KCNMA1: variants seen among roughly 807,000 people sequenced by gnomAD.
The protein encoded by KCNMA1 is Calcium-activated potassium channel subunit alpha-1.
KCNMA1 carries 29 observed loss-of-function variants against 140.0 expected under a neutral mutation model. The observed-to-expected ratio is 0.21, with a 90% confidence interval of 0.15 to 0.28. The LOEUF (loss-of-function observed/expected upper bound fraction) is 0.28. Among genes scored for constraint, KCNMA1 ranks in the 10% least tolerant of loss-of-function variants. KCNMA1 has a pLI of 1.00. For missense variants in KCNMA1, 880 were observed against 1,602.2 expected (o/e 0.55, Z 7.70); for synonymous variants, 612 against 611.9 (o/e 1.00, Z 0.00).
At chr10:77,328,195 C>A (rs143564353) in intron 2 of KCNMA1, among the ~76,000 whole-genome samples, 1 of 152,174 alleles carries the variant, frequency 6.6e-6, no homozygotes, top group African/African-American at 2.4e-5. Context: ...CAGTACTTGG[C>A]GCACAGTAAG....
intron 16 of KCNMA1, 90 bp from the exon 17 acceptor site, chr10:77,019,189 T>C: frequency 2.6e-6 from 2 of 766,744 alleles, no homozygotes; most frequent in Non-Finnish European, 4.6e-6. Flanking sequence ...ACTGTTGTGT[T>C]TATAGGGGGC....
At chr10:77,287,933 A>G (rs2071623664) in intron 2 of KCNMA1, among the ~76,000 whole-genome samples, 1 of 152,236 alleles carries the variant, frequency 6.6e-6, no homozygotes, top group Non-Finnish European at 1.5e-5. Flanking sequence ...ATTTGATGGA[A>G]AGGGCAAACA....
chr10:77,563,926 C>CAGTCTGCAG (rs1331892197), intron 1 of KCNMA1, among the ~76,000 whole-genome samples: 1 of 152,218 alleles, frequency 6.6e-6, no homozygotes, highest in Non-Finnish European at 1.5e-5. Flanking sequence ...TGGGGCTTAT[C>CAGTCTGCAG]ACATTTGTCC....
intron 5 of KCNMA1, among the ~76,000 whole-genome samples, chr10:77,157,734 G>A (rs1237311479): frequency 1.3e-5 from 2 of 152,088 alleles, no homozygotes; most frequent in Non-Finnish European, 1.5e-5. Flanking sequence ...TGCCTTCAGC[G>A]AGGCGAGCCC....
chr10:77,025,281 T>TAA, intron 16 of KCNMA1, among the ~76,000 whole-genome samples: 1 of 122,328 alleles, frequency 8.2e-6, no homozygotes, highest in East Asian at 2.4e-4. Flanking sequence ...TATATATATA[T>TAA]ACACACACAC....
intron 1 of KCNMA1, among the ~76,000 whole-genome samples, chr10:77,404,483 G>A (rs1342565112): frequency 3.3e-5 from 5 of 152,052 alleles, no homozygotes; most frequent in African/African-American, 9.7e-5. Flanking sequence ...TCACCATGTT[G>A]GCCAGGCTGG....
chr10:77,321,101 A>T (rs534867546), intron 2 of KCNMA1, among the ~76,000 whole-genome samples: 15 of 152,326 alleles, frequency 9.8e-5, no homozygotes, highest in Admixed American at 5.2e-4. Context: ...CCTAGGCAAG[A>T]TGTTTATATT....
intron 1 of KCNMA1, among the ~76,000 whole-genome samples, chr10:77,428,916 A>G (rs1226770741): frequency 1.3e-5 from 2 of 152,202 alleles, no homozygotes; most frequent in African/African-American, 2.4e-5. Context: ...GTCAGACCAC[A>G]GAGCAAAGCG....
intron 2 of KCNMA1, among the ~76,000 whole-genome samples, chr10:77,293,490 A>G (rs930700873): frequency 6.6e-6 from 1 of 152,192 alleles, no homozygotes; most frequent in Non-Finnish European, 1.5e-5. Flanking sequence ...CCTGACTCTA[A>G]GGGGCATTGT....
chr10:77,081,845 C>T lies in KCNMA1; in HGVS notation c.1524-2295G>A, dbSNP rs549524536. 1.6e-3 allele frequency among the ~76,000 whole-genome samples: 237 copies of T among 152,006 alleles called. 2 individuals carry two copies. The highest frequency in any genetic ancestry group is 5.3e-3 in the African/African-American group (220 of 41,464). On this transcript the variant is annotated intron_variant, in intron 12 of 27. Coordinates refer to ENST00000286628, the MANE Select transcript of KCNMA1 (RefSeq NM_001161352.2). ...AATTTCAAAGGAGGCAGATTGGTCT[C>T]ATTAAACTGAGGAGGAAGGAGGATT...
chr10:77,169,089 A>T (rs902944325), intron 5 of KCNMA1, among the ~76,000 whole-genome samples: 6 of 152,222 alleles, frequency 3.9e-5, no homozygotes, highest in African/African-American at 1.4e-4. Context: ...ATCACCCATG[A>T]TCAAAAGAGT....
At chr10:77,370,091 C>T (rs2094590917) in intron 2 of KCNMA1, among the ~76,000 whole-genome samples, 1 of 152,162 alleles carries the variant, frequency 6.6e-6, no homozygotes, top group Non-Finnish European at 1.5e-5. Flanking sequence ...CTGAAGTCAG[C>T]TCTGTTTCTG....
intron 23 of KCNMA1, among the ~76,000 whole-genome samples, chr10:76,917,138 A>T (rs2053280180): frequency 1.3e-5 from 2 of 152,242 alleles, no homozygotes; most frequent in Admixed American, 1.3e-4. Context: ...AACTGTTTTC[A>T]TTAGAAGTTT....
chr10:76,953,443 C>T (rs1205584138), intron 21 of KCNMA1, among the ~76,000 whole-genome samples: 2 of 152,042 alleles, frequency 1.3e-5, no homozygotes, highest in Non-Finnish European at 2.9e-5. Context: ...AACCGAAGTG[C>T]AAAAAGTCAA....
At position 77,184,832 on chromosome 10, in the gene KCNMA1, G is replaced by A. The variant is rs1131824; in HGVS notation, c.687C>T (p.Phe229=). 0.36 allele frequency: 575,043 copies of A among 1,600,698 alleles called. 108,354 individuals carry two copies. The highest frequency in any genetic ancestry group is 0.63 in the African/African-American group (47,351 of 74,592). Residue 229 remains phenylalanine, a synonymous_variant, in exon 4 of 28, where the codon TTC becomes TTT. Transcript: ENST00000286628. Reference sequence around the variant, plus strand: ...TGTTGCACAAACTTACCCGCAAGCCGAAGTAGAGAAGGAAGAACACGTTGA... The same window carrying A: ...TGTTGCACAAACTTACCCGCAAGCCAAAGTAGAGAAGGAAGAACACGTTGA... ...MAFNVFFLLY[F]GLRFIAANDK...
At chr10:77,549,722 C>A (rs980780191) in intron 1 of KCNMA1, among the ~76,000 whole-genome samples, 1 of 152,190 alleles carries the variant, frequency 6.6e-6, no homozygotes, top group South Asian at 2.1e-4. Context: ...AAACATCCCA[C>A]CAGACTCTCA....
chr10:77,282,713 A>C (rs981212256), intron 2 of KCNMA1, among the ~76,000 whole-genome samples: 1 of 152,094 alleles, frequency 6.6e-6, no homozygotes, highest in East Asian at 1.9e-4. Context: ...AACAACAAAG[A>C]GATAGAAGCT....
intron 2 of KCNMA1, among the ~76,000 whole-genome samples, chr10:77,257,277 C>G (rs1487774144): frequency 2.0e-5 from 3 of 152,200 alleles, no homozygotes; most frequent in Non-Finnish European, 2.9e-5. Context: ...AACACCTATG[C>G]ACAAGGGCCA....
At chr10:77,042,389 TGGA>T (rs2094776534) in intron 14 of KCNMA1, among the ~76,000 whole-genome samples, 1 of 152,226 alleles carries the variant, frequency 6.6e-6, no homozygotes, top group Non-Finnish European at 1.5e-5. Context: ...AAAAAAATGT[TGGA>T]ATATAGAATA....
Sources: gnomAD v4.1 joint callset for allele counts (sites outside exome capture counted in the v4.1 genomes callset) on GRCh38, gnomAD v4.1.1 for gene constraint, MANE v1.5 for transcripts, NCBI Gene and HGNC (gene_info 2026-07-23, HGNC 2026-07-21) for gene names.